Variants in IGF2R observed in about 807,000 individuals in gnomAD.
IGF2R encodes the protein cation-independent mannose-6-phosphate receptor.
In IGF2R, 91 loss-of-function variants were observed where a neutral mutation model predicts 270.6. The ratio of observed to expected loss-of-function variants is 0.34; its 90% CI spans 0.28 to 0.40. The LOEUF (loss-of-function observed/expected upper bound fraction) is 0.40, where lower values mean the gene tolerates loss of function less well. Among genes scored for constraint, IGF2R ranks in the 10% least tolerant of loss-of-function variants. The pLI is 1.00. For synonymous variants in IGF2R, 1,316 were observed against 1,258.9 expected (o/e 1.05, Z -0.96); for missense variants, 2,805 against 3,188.3 (o/e 0.88, Z 2.90).
In IGF2R at chr6:160,056,504, GACA is replaced by G; in HGVS notation, c.2778_2780del (p.Thr928del). 2 of 1,612,640 alleles carry G rather than the reference GACA, an allele frequency of 1.2e-6. No individual in the cohort carries two copies. Among genetic ancestry groups the G allele is most frequent in the Non-Finnish European group, 1.7e-6 (2 of 1,178,624 alleles). On this transcript the variant is annotated inframe_deletion, in exon 20 of 48. Coordinates refer to ENST00000356956, the MANE Select transcript of IGF2R (RefSeq NM_000876.4). ...ACACAGAGGCTGCCTGTCCCATTCA[GACA>G]ACGACGGATACAGACCAGGTACGTG...
chr6:160,059,148 C>G, intron 22 of IGF2R, 50 bp downstream of exon 22: 1 of 1,507,386 alleles, frequency 6.6e-7, no homozygotes, highest in East Asian at 2.3e-5. Context: ...CCTGGTGGCT[C>G]TGTGGCTGGC....
chr6:160,020,930 A>C (rs754471958), intron 4 of IGF2R, among the ~76,000 whole-genome samples: 10 of 152,246 alleles, frequency 6.6e-5, no homozygotes, highest in Non-Finnish European at 1.5e-4. Context: ...AAATGCAACA[A>C]AAATAAAAAT....
At chr6:159,976,313 A>G (rs983084398) in intron 1 of IGF2R, among the ~76,000 whole-genome samples, 1 of 151,834 alleles carries the variant, frequency 6.6e-6, no homozygotes, top group African/African-American at 2.4e-5. Context: ...GTAGCATGCT[A>G]CTCTCATATT....
intron 45 of IGF2R, among the ~76,000 whole-genome samples, chr6:160,099,600 C>T (rs955831417): frequency 6.6e-6 from 1 of 152,216 alleles, no homozygotes; most frequent in Non-Finnish European, 1.5e-5. Context: ...ATCTCCTGAT[C>T]TTGTGATCCG....
At chr6:159,988,929 G>C (rs890432800) in intron 1 of IGF2R, among the ~76,000 whole-genome samples, 2 of 152,192 alleles carry the variant, frequency 1.3e-5, no homozygotes, top group Non-Finnish European at 2.9e-5. Flanking sequence ...AAGGAAACAA[G>C]CCTTTATTGA....
chr6:160,010,740 G>T lies in IGF2R; in HGVS notation c.468G>T (p.Arg156Ser). The T allele has an allele frequency of 1.9e-6, 3 of 1,612,772 alleles. No homozygotes were observed. The highest frequency in any genetic ancestry group is 2.5e-6 in the Non-Finnish European group (3 of 1,178,826). Residue 156 changes from arginine (R) to serine (S), a missense_variant, in exon 4 of 48, where the codon AGG (arginine) becomes AGT (serine). Coordinates refer to ENST00000356956, the MANE Select transcript of IGF2R (RefSeq NM_000876.4). ...ATECVHYFEW[R>S]TTAACKKDIF... Reference sequence around the variant, plus strand: ...AATGTGTGCACTACTTTGAGTGGAGGACCACTGCAGCCTGCAAGAAAGACA... The same window carrying T: ...AATGTGTGCACTACTTTGAGTGGAGTACCACTGCAGCCTGCAAGAAAGACA...
rs766996562 is a variant in IGF2R at position 160,009,029 on chromosome 6, T to C, written c.309T>C (p.Ser103=). The change falls in exon 3 of 48, where the codon AGT becomes AGC. Residue 103 remains serine (S), a synonymous_variant. Coordinates refer to ENST00000356956, the MANE Select transcript of IGF2R (RefSeq NM_000876.4). ...AAATAGGTGACTCTGTTTTGAGAAGTGCAACCAGATCTCTCCTGGAATTCA... is the reference window on the plus strand; with the variant it reads ...AAATAGGTGACTCTGTTTTGAGAAGCGCAACCAGATCTCTCCTGGAATTCA... ...YHSVGDSVLR[S]ATRSLLEFNT... is the part of the protein sequence containing the mutation. 3 of 1,614,092 alleles carry C rather than the reference T, an allele frequency of 1.9e-6. No individual in the cohort carries two copies. The Admixed American group carries it at 5.0e-5, about 27-fold the overall frequency.
chr6:160,008,706 T>C (rs1784285371), intron 2 of IGF2R, among the ~76,000 whole-genome samples: 1 of 152,058 alleles, frequency 6.6e-6, no homozygotes, highest in South Asian at 2.1e-4. Flanking sequence ...TAGGTGGCCA[T>C]TGCTGGAGCG....
In IGF2R at chr6:160,107,436, C is replaced by G. The variant is rs965169350; in HGVS notation, c.*2352C>G. 5 of 152,340 alleles carry G rather than the reference C, an allele frequency of 3.3e-5. No individual in the cohort carries two copies. Among genetic ancestry groups the G allele is most frequent in the Non-Finnish European group, 7.3e-5 (5 of 68,036 alleles). 9.4% of individuals were successfully genotyped at this position (152,340 alleles called of 1,614,324 possible). ...TGCATTTGCTTTGACTCTTAGAAAC[C>G]CAAGCCTCTGAAAAAAGAGTAACTA... On this transcript the variant is annotated 3_prime_UTR_variant, in exon 48 of 48. Transcript: ENST00000356956.
At chr6:159,978,942 G>C (rs1458189082) in intron 1 of IGF2R, among the ~76,000 whole-genome samples, 2 of 151,772 alleles carry the variant, frequency 1.3e-5, no homozygotes, top group Non-Finnish European at 2.9e-5. Context: ...TAGGAGTGTC[G>C]TCCTTCACTG....
Position 160,027,223 on chromosome 6 carries a change from C to A in IGF2R, c.685C>A (p.Pro229Thr). Reference protein sequence around the residue: ...RDPGSQLRACPPGTAACLVRG... With the variant: ...RDPGSQLRACTPGTAACLVRG... ...CCCAGGTTCACAGCTGCGGGCCTGT[C>A]CCCCCGGCACTGCCGCCTGCCTGGT... The change falls in exon 6 of 48, where the codon CCC becomes ACC. Residue 229 changes from proline to threonine, a missense_variant. Pro to Thr is a conservative substitution (Grantham distance 38, BLOSUM62 -1). Transcript: ENST00000356956. 11 of 1,613,866 alleles carry A rather than the reference C, an allele frequency of 6.8e-6. No homozygotes were observed. Among genetic ancestry groups the A allele is most frequent in the Non-Finnish European group, 9.3e-6 (11 of 1,179,738 alleles).
rs574472942 is a variant in IGF2R, at chr6:160,063,742, A to G, written c.3886+112A>G. On this transcript the variant is annotated intron_variant, in intron 27 of 47. Coordinates refer to ENST00000356956, the MANE Select transcript of IGF2R (RefSeq NM_000876.4). ...GTCAGAAACATGAGTGTTCTACTGTAAAAAAAAAAAAAAGCATATTAATGA... is the reference window on the plus strand; with the variant it reads ...GTCAGAAACATGAGTGTTCTACTGTGAAAAAAAAAAAAAGCATATTAATGA... The G allele has an allele frequency of 4.7e-3, 628 of 133,720 alleles. 1 individual carries two copies. The highest frequency in any genetic ancestry group is 0.032 in the Middle Eastern group (12 of 376). The allele number at this position is 133,720 out of a possible 1,614,324, so 8.3% of individuals were successfully genotyped here.
intron 29 of IGF2R, among the ~76,000 whole-genome samples, chr6:160,065,386 G>T (rs1323278650): frequency 6.6e-6 from 1 of 152,168 alleles, no homozygotes; most frequent in Non-Finnish European, 1.5e-5. Flanking sequence ...TGAGCCACTT[G>T]ATCACTGTTG....
At chr6:160,014,841 G>A (rs1460311801) in intron 4 of IGF2R, among the ~76,000 whole-genome samples, 1 of 152,164 alleles carries the variant, frequency 6.6e-6, no homozygotes, top group Non-Finnish European at 1.5e-5. Flanking sequence ...TCTTTTAGTT[G>A]CCTTTCTGCA....
intron 36 of IGF2R, among the ~76,000 whole-genome samples, chr6:160,077,297 C>T (rs1312576744): frequency 6.6e-6 from 1 of 152,132 alleles, no homozygotes; most frequent in Non-Finnish European, 1.5e-5. Context: ...TAGATGCACA[C>T]AGCATGGGGC....
intron 1 of IGF2R, among the ~76,000 whole-genome samples, chr6:159,975,684 T>TATA (rs1783680847): frequency 4.9e-5 from 7 of 141,732 alleles, no homozygotes; most frequent in African/African-American, 1.8e-4. Flanking sequence ...TTATATATAT[T>TATA]TATATATATA....
At chr6:160,030,009 C>T (rs1042156408) in intron 7 of IGF2R, among the ~76,000 whole-genome samples, 10 of 151,960 alleles carry the variant, frequency 6.6e-5, no homozygotes, top group African/African-American at 2.2e-4. Flanking sequence ...AGTGGAAAAA[C>T]GAAGTAGAAT....
intron 7 of IGF2R, among the ~76,000 whole-genome samples, chr6:160,029,876 T>C (rs1389474380): frequency 6.6e-6 from 1 of 152,236 alleles, no homozygotes; most frequent in Non-Finnish European, 1.5e-5. Context: ...CTTTTGCTTT[T>C]TTACAGCAAT....
intron 7 of IGF2R, among the ~76,000 whole-genome samples, chr6:160,032,290 T>A (rs1777714886): frequency 6.6e-6 from 1 of 151,856 alleles, no homozygotes; most frequent in Admixed American, 6.6e-5. Context: ...AGAAAGGGAA[T>A]AGAGTGTAAA....
Sources: gnomAD v4.1 joint callset for allele counts (sites outside exome capture counted in the v4.1 genomes callset) on GRCh38, gnomAD v4.1.1 for gene constraint, MANE v1.5 for transcripts, NCBI Gene and HGNC (gene_info 2026-07-23, HGNC 2026-07-21) for gene names.